SUCLA2: variants seen among roughly 807,000 people sequenced by gnomAD.
The protein encoded by SUCLA2 is succinate--CoA ligase [ADP-forming] subunit beta, mitochondrial.
A neutral mutation model predicts 54.8 loss-of-function variants in SUCLA2; 30 were observed. The observed-to-expected ratio is 0.55, with a 90% CI of 0.41 to 0.74. The LOEUF is 0.74. SUCLA2 is among the 30% of genes least tolerant of loss of function. SUCLA2 has a pLI of 0.00. For missense variants in SUCLA2, 476 were observed against 562.9 expected (o/e 0.85, Z 1.56); for synonymous variants, 172 against 188.9 (o/e 0.91, Z 0.74).
intron 2 of SUCLA2, among the ~76,000 whole-genome samples, chr13:47,996,495 T>C (rs770774382): frequency 3.3e-5 from 5 of 151,950 alleles, no homozygotes; most frequent in African/African-American, 7.2e-5. Context: ...TCCTTCACCA[T>C]TTCCCTGAAG....
At chr13:47,980,473 T>TA (rs1950051744) in intron 4 of SUCLA2, among the ~76,000 whole-genome samples, 1 of 152,098 alleles carries the variant, frequency 6.6e-6, no homozygotes, top group Non-Finnish European at 1.5e-5. Context: ...AAAGACATCT[T>TA]GTGATCACAG....
intron 4 of SUCLA2, among the ~76,000 whole-genome samples, chr13:47,978,151 A>T (rs1950032597): frequency 1.3e-5 from 2 of 152,214 alleles, no homozygotes; most frequent in African/African-American, 4.8e-5. Flanking sequence ...TCTTCACAGA[A>T]TTAGAAAAAA....
In SUCLA2 at chr13:47,943,436, G is replaced by A; in HGVS notation, c.1327C>T (p.Leu443Phe). The change falls in exon 11 of 11, where the codon CTC becomes TTC. Residue 443 changes from leucine (L) to phenylalanine (F), a missense_variant. Leu to Phe is a conservative substitution (Grantham distance 22). Transcript: ENST00000646932. ...TTCGCTAAGGTCACTATTTCAGAGAGCTTTACAACCTAAAAGAAAAGAACG... is the reference window on the plus strand; with the variant it reads ...TTCGCTAAGGTCACTATTTCAGAGAACTTTACAACCTAAAAGAAAAGAACG... ...LDEAARMVVK[L>F]SEIVTLAKQA... 28 of 1,613,754 alleles carry A rather than the reference G, an allele frequency of 1.7e-5. No individual in the cohort carries two copies. Among genetic ancestry groups the A allele is most frequent in the Non-Finnish European group, 2.2e-5 (26 of 1,179,808 alleles).
At chr13:47,980,287 A>T (rs999495045) in intron 4 of SUCLA2, among the ~76,000 whole-genome samples, 2 of 152,060 alleles carry the variant, frequency 1.3e-5, no homozygotes, top group Admixed American at 6.5e-5. Context: ...TGGTGGCGGG[A>T]GCCTGTAGTT....
At chr13:47,994,297 C>T (rs920499023) in intron 2 of SUCLA2, among the ~76,000 whole-genome samples, 18 of 151,056 alleles carry the variant, frequency 1.2e-4, no homozygotes, top group African/African-American at 4.1e-4. Flanking sequence ...GGGCTGGGTG[C>T]GGTGGCTCAC....
intron 4 of SUCLA2, among the ~76,000 whole-genome samples, chr13:47,980,526 G>A (rs890507339): frequency 6.6e-6 from 1 of 152,038 alleles, no homozygotes; most frequent in African/African-American, 2.4e-5. Context: ...ACTACCCTAA[G>A]CAATCTACAG....
At chr13:47,961,498 G>A (rs555094628) in intron 6 of SUCLA2, among the ~76,000 whole-genome samples, 100 of 147,440 alleles carry the variant, frequency 6.8e-4, no homozygotes, top group Admixed American at 4.3e-3. Context: ...TTTCAAGATC[G>A]AAATTCAGTC....
At chr13:47,949,675 A>G (rs964885177) in intron 8 of SUCLA2, 72 bp from the exon 9 acceptor site, 1 of 1,456,444 alleles carries the variant, frequency 6.9e-7, no homozygotes, top group African/African-American at 1.4e-5. Context: ...AAATACTAGT[A>G]TATGTGCTTC....
chr13:47,959,841 T>G (rs1253656405), intron 6 of SUCLA2, among the ~76,000 whole-genome samples: 3 of 152,160 alleles, frequency 2.0e-5, no homozygotes, highest in Non-Finnish European at 4.4e-5. Context: ...ATCAGCAATT[T>G]AGCAATTCTT....
chr13:47,951,950 GC>G (rs1315693243), intron 8 of SUCLA2, among the ~76,000 whole-genome samples: 1 of 148,084 alleles, frequency 6.8e-6, no homozygotes, highest in African/African-American at 2.5e-5. Context: ...CAGTCCTACT[GC>G]CTTTGACTGA....
In SUCLA2 at chr13:48,001,221, G is replaced by T. The variant is rs200124902; in HGVS notation, c.49C>A (p.Arg17=). 2 of 1,608,810 alleles carry T rather than the reference G, an allele frequency of 1.2e-6. No homozygotes were observed. Among genetic ancestry groups the T allele is most frequent in the East Asian group, 2.2e-5 (1 of 44,634 alleles). The part of the protein sequence containing the change: ...YGRLVAVATL[R]NHRPRTAQRA... ...TGGGCCGTCCGAGGCCGGTGGTTCC[G>T]AAGGGTGGCCACGGCCACTAGCCTG... Residue 17 remains arginine (R), a synonymous_variant, in exon 1 of 11, where the codon CGG becomes AGG. Coordinates refer to ENST00000646932, the MANE Select transcript of SUCLA2 (RefSeq NM_003850.3).
At chr13:47,975,426 T>C (rs575165610) in intron 4 of SUCLA2, among the ~76,000 whole-genome samples, 1 of 152,116 alleles carries the variant, frequency 6.6e-6, no homozygotes, top group Non-Finnish European at 1.5e-5. Flanking sequence ...GCTGGGATTA[T>C]AGGCATGACC....
At chr13:47,946,215 T>C (rs1949730246) in intron 10 of SUCLA2, among the ~76,000 whole-genome samples, 1 of 152,218 alleles carries the variant, frequency 6.6e-6, no homozygotes, top group African/African-American at 2.4e-5. Flanking sequence ...AATCTGTTAC[T>C]ATGTCTAATA....
chr13:47,965,548 C>T (rs1229667278), intron 6 of SUCLA2: 1 of 365,996 alleles, frequency 2.7e-6, no homozygotes, highest in African/African-American at 2.5e-5. Context: ...ACAGGAACAA[C>T]AAAAAATAAG....
intron 5 of SUCLA2, among the ~76,000 whole-genome samples, chr13:47,971,103 C>T (rs1949959770): frequency 6.6e-6 from 1 of 151,796 alleles, no homozygotes; most frequent in Admixed American, 6.6e-5. Flanking sequence ...GTCCAATATT[C>T]AAATTCTTCT....
intron 6 of SUCLA2, 93 bp from the exon 7 acceptor site, chr13:47,954,650 C>T (rs1347739015): frequency 5.3e-6 from 7 of 1,320,884 alleles, no homozygotes; most frequent in Non-Finnish European, 6.4e-6. Flanking sequence ...AGGGAAAAGA[C>T]ACATTTTAAT....
intron 4 of SUCLA2, among the ~76,000 whole-genome samples, chr13:47,977,433 A>T (rs1040947358): frequency 6.6e-6 from 1 of 152,204 alleles, no homozygotes; most frequent in Non-Finnish European, 1.5e-5. Context: ...TCACTCTATG[A>T]AGCCAGCATT....
At chr13:47,948,877 T>C in intron 10 of SUCLA2, 63 bp downstream of exon 10, 2 of 1,448,604 alleles carry the variant, frequency 1.4e-6, no homozygotes, top group South Asian at 1.1e-5. Context: ...GCTGTATTAA[T>C]AATTAGGTTC....
intron 6 of SUCLA2, among the ~76,000 whole-genome samples, chr13:47,959,609 C>G (rs1331486739): frequency 6.6e-6 from 1 of 151,980 alleles, no homozygotes; most frequent in Non-Finnish European, 1.5e-5. Context: ...GATTGGAAAG[C>G]CCAGGCATGT....
Sources: allele counts gnomAD v4.1 joint callset (sites outside exome capture counted in the v4.1 genomes callset), GRCh38; gene constraint gnomAD v4.1.1; transcripts MANE v1.5; gene names NCBI Gene and HGNC (gene_info 2026-07-23, HGNC 2026-07-21).